The following JAK1 variants were observed in gnomAD, a reference collection of about 807,000 sequenced individuals.
JAK1 encodes the protein tyrosine-protein kinase JAK1.
Under a neutral mutation model 136.6 loss-of-function variants are expected in JAK1, and 16 were observed. That is an observed-to-expected ratio of 0.12 (90% CI 0.08 to 0.18). The LOEUF (loss-of-function observed/expected upper bound fraction) is 0.18, where lower values mean the gene tolerates loss of function less well. Among genes scored for constraint, JAK1 ranks in the 10% least tolerant of loss-of-function variants. The probability of loss-of-function intolerance (pLI) is 1.00; values close to 1 mark genes in which losing one functional copy is unlikely to be tolerated. For missense variants in JAK1, 859 were observed against 1,450.1 expected (o/e 0.59, Z 6.62); for synonymous variants, 492 against 519.5 (o/e 0.95, Z 0.72).
intron 2 of JAK1, among the ~76,000 whole-genome samples, chr1:64,977,155 T>TTGTC (rs1418397326): frequency 2.0e-5 from 3 of 149,132 alleles, no homozygotes; most frequent in East Asian, 4.1e-4. Context: ...GTTTGTTTGT[T>TTGTC]TGTTTGTTTG....
intron 5 of JAK1, 57 bp downstream of exon 5, chr1:64,873,313 C>G (rs1657187219): frequency 1.2e-6 from 2 of 1,605,978 alleles, no homozygotes; most frequent in South Asian, 2.2e-5. Context: ...GGTCTGAGCT[C>G]TACAATGCCT....
chr1:64,857,846 T>C lies in JAK1; in HGVS notation c.1335-67A>G, dbSNP rs574431459. 585 of 1,585,014 alleles carry C rather than the reference T, an allele frequency of 3.7e-4. 1 individual carries two copies. The highest frequency in any genetic ancestry group is 2.0e-3 in the South Asian group (172 of 87,432). ...AACAGGACTTTGAACCTCTGGGCTA[T>C]CCACTCTCCTGAGCTGCCTCAAGTC... is the stretch of plus-strand genomic sequence containing the variant. On this transcript the variant is annotated intron_variant, in intron 9 of 24. Coordinates refer to ENST00000342505, the MANE Select transcript of JAK1 (RefSeq NM_002227.4).
At position 64,885,536 on chromosome 1, in the gene JAK1, G is replaced by A. The variant is rs578241992; in HGVS notation, c.6+723C>T. On this transcript the variant is annotated intron_variant, in intron 2 of 24. Coordinates refer to ENST00000342505, the MANE Select transcript of JAK1 (RefSeq NM_002227.4). Reference sequence around the variant, plus strand: ...TGGGAGGCCAAGGCGGGCGGATCACGAGGTCACGAGATTGAGACCAGCCTG... The same window carrying A: ...TGGGAGGCCAAGGCGGGCGGATCACAAGGTCACGAGATTGAGACCAGCCTG... Among the ~76,000 whole-genome samples the A allele has an allele frequency of 9.2e-5, 14 of 152,140 alleles. 1 individual carries two copies. The East Asian group carries it at 2.1e-3, about 23-fold the overall frequency.
rs1012621626 is a variant in JAK1, at chr1:64,980,670, C to T, written c.-78+63810G>A. 1.3e-4 allele frequency among the ~76,000 whole-genome samples: 19 copies of T among 151,782 alleles called. 1 individual carries two copies. Among genetic ancestry groups the T allele is most frequent in the African/African-American group, 4.6e-4 (19 of 41,264 alleles). On this transcript the variant is annotated intron_variant, in intron 2 of 25. Transcript: ENST00000671954. ...ACATGTGCCATGTTGGTGTGCTGCA[C>T]CCATTAACTCGTCATTTACATTAGG...
chr1:64,853,309 C>T (rs1367637928), intron 11 of JAK1, among the ~76,000 whole-genome samples: 1 of 152,130 alleles, frequency 6.6e-6, no homozygotes, highest in African/African-American at 2.4e-5. Flanking sequence ...CTCTAAAGTC[C>T]TAGGCTGATG....
chr1:64,853,437 G>A (rs961890003), intron 11 of JAK1, among the ~76,000 whole-genome samples: 1 of 152,172 alleles, frequency 6.6e-6, no homozygotes, highest in Non-Finnish European at 1.5e-5. Context: ...CTCTACCTAA[G>A]TGATCTTGGG....
chr1:64,933,414 C>G (rs1481964901), intron 1 of JAK1, among the ~76,000 whole-genome samples: 2 of 152,202 alleles, frequency 1.3e-5, no homozygotes, highest in Non-Finnish European at 2.9e-5. Flanking sequence ...GCCTAAGTGA[C>G]GTATCCCTGT....
intron 1 of JAK1, among the ~76,000 whole-genome samples, chr1:64,938,240 A>T (rs1418142360): frequency 1.4e-5 from 2 of 145,508 alleles, no homozygotes; most frequent in African/African-American, 2.4e-5. Context: ...ACAAAGATAT[A>T]AAAAAATACT....
chr1:64,886,425 C>A, intron 1 of JAK1, 84 bp from the exon 2 acceptor site: 1 of 704,306 alleles, frequency 1.4e-6, no homozygotes. Context: ...AGGAAGCAGC[C>A]CAAACCATAA....
chr1:64,987,070 G>C (rs771081107), intron 2 of JAK1, among the ~76,000 whole-genome samples: 3 of 152,200 alleles, frequency 2.0e-5, no homozygotes, highest in African/African-American at 7.2e-5. Flanking sequence ...AGGTGCACAA[G>C]GTCTAGCACA....
chr1:64,878,561 G>GTGTATGTATA (rs1298801037), intron 4 of JAK1, among the ~76,000 whole-genome samples: 2 of 119,928 alleles, frequency 1.7e-5, no homozygotes, highest in Non-Finnish European at 3.5e-5. Flanking sequence ...TATATAGTGT[G>GTGTATGTATA]TATATATATA....
intron 2 of JAK1, among the ~76,000 whole-genome samples, chr1:65,007,745 G>T (rs1646815189): frequency 7.0e-6 from 1 of 141,974 alleles, no homozygotes; most frequent in African/African-American, 2.6e-5. Flanking sequence ...TTATAGGTAT[G>T]TTTTTTTTTT....
rs113736473 is a variant in JAK1, at chr1:65,053,025, T to G, written c.-180-8443A>C. Among the ~76,000 whole-genome samples, 844 of 112,506 alleles carry G rather than the reference T, an allele frequency of 7.5e-3. 11 individuals carry two copies. The highest frequency in any genetic ancestry group is 0.029 in the African/African-American group (713 of 24,960). 73.8% of individuals were successfully genotyped at this position (112,506 alleles called of 152,430 possible). On this transcript the variant is annotated intron_variant, in intron 1 of 25. Transcript: ENST00000671954. ...CAGCCTGGTGACAGAGCAAGACTCT[T>G]GTCTCAAAAAAAAAAAAAAAAAAAA... is the stretch of plus-strand genomic sequence containing the variant.
chr1:64,997,947 C>A (rs1646718978), intron 2 of JAK1, among the ~76,000 whole-genome samples: 1 of 152,142 alleles, frequency 6.6e-6, no homozygotes, highest in African/African-American at 2.4e-5. Flanking sequence ...GAAATAAAAG[C>A]CTGTAAATAT....
intron 1 of JAK1, among the ~76,000 whole-genome samples, chr1:65,054,241 A>G (rs1647423097): frequency 6.6e-6 from 1 of 152,164 alleles, no homozygotes; most frequent in Non-Finnish European, 1.5e-5. Flanking sequence ...TATTCGTGAC[A>G]GACAGCAAGC....
At chr1:65,053,344 CA>C (rs201167668) in intron 1 of JAK1, among the ~76,000 whole-genome samples, 1 of 150,688 alleles carries the variant, frequency 6.6e-6, no homozygotes. Flanking sequence ...GACTCCGCCT[CA>C]AAAAAAACAC....
intron 1 of JAK1, among the ~76,000 whole-genome samples, chr1:64,955,684 T>C (rs1398885605): frequency 6.6e-6 from 1 of 152,210 alleles, no homozygotes; most frequent in Non-Finnish European, 1.5e-5. Context: ...AAATACAGCA[T>C]GTGCTCACTT....
chr1:64,936,202 G>A (rs1645786792), intron 1 of JAK1, among the ~76,000 whole-genome samples: 2 of 152,140 alleles, frequency 1.3e-5, no homozygotes, highest in Admixed American at 1.3e-4. Flanking sequence ...CAGAGAATCA[G>A]GATTTCAAGG....
intron 2 of JAK1, among the ~76,000 whole-genome samples, chr1:65,005,476 T>C (rs1260517335): frequency 6.6e-6 from 1 of 152,206 alleles, no homozygotes; most frequent in African/African-American, 2.4e-5. Context: ...TAGTGTTCTA[T>C]AGCACTATAG....
Sources: gnomAD v4.1 joint callset for allele counts (sites outside exome capture counted in the v4.1 genomes callset) on GRCh38, gnomAD v4.1.1 for gene constraint, MANE v1.5 for transcripts, NCBI Gene and HGNC (gene_info 2026-07-23, HGNC 2026-07-21) for gene names.